CDKAL1: variants seen among roughly 807,000 people sequenced by gnomAD.
CDKAL1 encodes the protein threonylcarbamoyladenosine tRNA methylthiotransferase.
CDKAL1 carries 32 observed loss-of-function variants against 68.2 expected under a neutral mutation model. That is an observed-to-expected ratio of 0.47 (90% CI 0.35 to 0.63). The LOEUF is 0.63. Among genes scored for constraint, CDKAL1 ranks in the 30% least tolerant of loss-of-function variants. The pLI, the probability that CDKAL1 is intolerant of heterozygous loss-of-function variation, is 0.00. For synonymous variants in CDKAL1, 234 were observed against 244.3 expected, an observed-to-expected ratio of 0.96 and a Z score of 0.39; for missense variants, 606 against 696.7, an observed-to-expected ratio of 0.87 and a Z score of 1.47.
rs558014754 is a variant in CDKAL1 at position 21,112,687 on chromosome 6, T to C, written c.1299+4224T>C. Among the ~76,000 whole-genome samples, 19 of 152,348 alleles carry C rather than the reference T, an allele frequency of 1.2e-4. No homozygotes were observed. The South Asian group carries it at 3.7e-3, about 30-fold the overall frequency. On this transcript the variant is annotated intron_variant, in intron 13 of 15. Coordinates refer to ENST00000274695, the MANE Select transcript of CDKAL1 (RefSeq NM_017774.3). ...ACTGAACTAGAAGCAAATTCATATA[T>C]GTCATTAAACATGTATGTATTTATG...
At chr6:20,746,105 C>T (rs529681679) in intron 6 of CDKAL1, among the ~76,000 whole-genome samples, 17 of 152,212 alleles carry the variant, frequency 1.1e-4, no homozygotes, top group South Asian at 2.1e-4. Context: ...AAAGTTTAAT[C>T]GGTATTTTAG....
chr6:21,021,414 T>A (rs1307025547), intron 11 of CDKAL1, among the ~76,000 whole-genome samples: 1 of 152,040 alleles, frequency 6.6e-6, no homozygotes, highest in Non-Finnish European at 1.5e-5. Context: ...CAATAAATGA[T>A]ACCTAAAAAA....
intron 5 of CDKAL1, chr6:20,722,255 A>T (rs1251033847): frequency 6.5e-6 from 1 of 153,594 alleles, no homozygotes; most frequent in Admixed American, 6.6e-5. Flanking sequence ...AGCATGTTAA[A>T]AATGAGGGTT....
At chr6:20,613,163 T>G (rs774295816) in intron 4 of CDKAL1, among the ~76,000 whole-genome samples, 6 of 151,812 alleles carry the variant, frequency 4.0e-5, no homozygotes, top group Admixed American at 6.6e-5. Context: ...TGATTTTCAT[T>G]TAACTATTTA....
chr6:20,903,772 G>T (rs541529936), intron 9 of CDKAL1, among the ~76,000 whole-genome samples: 1 of 152,320 alleles, frequency 6.6e-6, no homozygotes, highest in African/African-American at 2.4e-5. Context: ...GTCCTTCTGG[G>T]ATTAGAAATT....
rs1392009073 is a variant in CDKAL1, at chr6:20,909,181, ATGTATGTGTGTG to A, written c.743-46234_743-46223del. ...TGTATATGTATCTATATATGTGTGC[ATGTATGTGTGTG>A]TGTGTGTGTGTGTGTGTGTGTGTGT... On this transcript the variant is annotated intron_variant, in intron 9 of 15. Coordinates refer to ENST00000274695, the MANE Select transcript of CDKAL1 (RefSeq NM_017774.3). Among the ~76,000 whole-genome samples, 732 of 133,310 alleles carry A rather than the reference ATGTATGTGTGTG, an allele frequency of 5.5e-3. 6 individuals are homozygous for A. Among genetic ancestry groups the A allele is most frequent in the Non-Finnish European group, 6.0e-3 (371 of 61,780 alleles). The allele number at this position is 133,310 out of a possible 152,430, so 87.5% of individuals were successfully genotyped here.
At position 20,600,302 on chromosome 6, in the gene CDKAL1, C is replaced by A. The variant is rs151324520; in HGVS notation, c.287-48991C>A. Among the ~76,000 whole-genome samples the A allele has an allele frequency of 2.5e-3, 381 of 152,112 alleles. 1 individual carries two copies. The highest frequency in any genetic ancestry group is 8.8e-3 in the African/African-American group (366 of 41,510). On this transcript the variant is annotated intron_variant, in intron 4 of 15. Transcript: ENST00000274695. Reference sequence around the variant, plus strand: ...TGGGGTAGTGAGCTGATATAAATCTCTTTTTAGATGAAGTTTTTGGCTATT... The same window carrying A: ...TGGGGTAGTGAGCTGATATAAATCTATTTTTAGATGAAGTTTTTGGCTATT...
At chr6:21,128,102 G>A (rs1582257213) in intron 13 of CDKAL1, among the ~76,000 whole-genome samples, 2 of 152,168 alleles carry the variant, frequency 1.3e-5, no homozygotes, top group Admixed American at 1.3e-4. Flanking sequence ...TTGACTTTAC[G>A]ATTGTGGGAA....
chr6:21,219,504 T>C (rs1395458209), intron 15 of CDKAL1, among the ~76,000 whole-genome samples: 1 of 152,266 alleles, frequency 6.6e-6, no homozygotes, highest in Admixed American at 6.5e-5. Flanking sequence ...ATGTAATTTT[T>C]CCTAACTAGT....
At chr6:20,658,539 G>T (rs1377962665) in intron 5 of CDKAL1, among the ~76,000 whole-genome samples, 2 of 150,532 alleles carry the variant, frequency 1.3e-5, no homozygotes, top group Non-Finnish European at 2.9e-5. Context: ...TAAATTATTG[G>T]ATTGTTATTC....
intron 4 of CDKAL1, among the ~76,000 whole-genome samples, chr6:20,569,754 A>T (rs1247028940): frequency 6.6e-6 from 1 of 152,180 alleles, no homozygotes; most frequent in East Asian, 1.9e-4. Context: ...ATTTACTTTT[A>T]TATAGTCTTT....
At chr6:20,659,955 G>A (rs1769209598) in intron 5 of CDKAL1, among the ~76,000 whole-genome samples, 1 of 152,098 alleles carries the variant, frequency 6.6e-6, no homozygotes. Flanking sequence ...ACATTAGAAA[G>A]TTTCCCAAGC....
At chr6:20,541,890 C>A (rs1763403381) in intron 2 of CDKAL1, among the ~76,000 whole-genome samples, 1 of 152,242 alleles carries the variant, frequency 6.6e-6, no homozygotes, top group Non-Finnish European at 1.5e-5. Context: ...GAACTCCCAA[C>A]CTCAGGTGAT....
chr6:20,609,704 CATATTCTGCTAAATGA>C (rs1054155789), intron 4 of CDKAL1, among the ~76,000 whole-genome samples: 3 of 151,824 alleles, frequency 2.0e-5, no homozygotes, highest in African/African-American at 7.3e-5. Flanking sequence ...ATATTGGGAC[CATATTCTGCTAAATGA>C]AGCATGGTAT....
At chr6:20,770,603 A>T (rs1234849232) in intron 7 of CDKAL1, among the ~76,000 whole-genome samples, 1 of 152,196 alleles carries the variant, frequency 6.6e-6, no homozygotes, top group Non-Finnish European at 1.5e-5. Context: ...ACGATGTTTG[A>T]TTAGTCTTTT....
In CDKAL1 at chr6:20,796,009, T is replaced by C. The variant is rs542195276; in HGVS notation, c.638+14744T>C. 7.2e-4 allele frequency among the ~76,000 whole-genome samples: 110 copies of C among 152,176 alleles called. 1 individual carries two copies. Among genetic ancestry groups the C allele is most frequent in the Non-Finnish European group, 1.4e-3 (95 of 68,024 alleles). On this transcript the variant is annotated intron_variant, in intron 8 of 15. Transcript: ENST00000274695. ...AGGCTTGTAACTGCCTGGGTTCTTA[T>C]TTCCAAAGGAGTCAATGTTAGATAT...
At chr6:20,675,644 C>T (rs1273556755) in intron 5 of CDKAL1, among the ~76,000 whole-genome samples, 1 of 152,208 alleles carries the variant, frequency 6.6e-6, no homozygotes, top group Non-Finnish European at 1.5e-5. Context: ...AACAAACCTA[C>T]TGTGCTGCCA....
chr6:20,853,283 G>A (rs1759116722), intron 9 of CDKAL1, among the ~76,000 whole-genome samples: 3 of 151,948 alleles, frequency 2.0e-5, no homozygotes, highest in African/African-American at 2.4e-5. Flanking sequence ...TTGGGAGGCC[G>A]AGGTGGAAGA....
intron 7 of CDKAL1, among the ~76,000 whole-genome samples, chr6:20,773,466 T>G (rs1017416258): frequency 2.0e-4 from 30 of 152,364 alleles, no homozygotes; most frequent in African/African-American, 7.0e-4. Flanking sequence ...TTGTATAATA[T>G]TCTTAAATAA....
Sources: gnomAD v4.1 joint callset for allele counts (sites outside exome capture counted in the v4.1 genomes callset) on GRCh38, gnomAD v4.1.1 for gene constraint, MANE v1.5 for transcripts, NCBI Gene and HGNC (gene_info 2026-07-23, HGNC 2026-07-21) for gene names.